The following FAAH2 variants were observed in gnomAD, a reference collection of about 807,000 sequenced individuals.
The protein encoded by FAAH2 is fatty acid amide hydrolase 2.
Under a neutral mutation model 36.9 loss-of-function variants are expected in FAAH2, and 60 were observed. The ratio of observed to expected loss-of-function variants is 1.63; its 90% CI spans 1.32 to 2.02. The LOEUF is 2.02. FAAH2 is among the 30% of genes most tolerant of loss of function. The pLI, the probability that FAAH2 is intolerant of heterozygous loss-of-function variation, is 0.00. For synonymous variants in FAAH2, 214 were observed against 143.8 expected, an observed-to-expected ratio of 1.49 and a Z score of -3.49; for missense variants, 689 against 397.5, an observed-to-expected ratio of 1.73 and a Z score of -6.23.
intron 8 of FAAH2, among the ~76,000 whole-genome samples, chrX:57,432,991 T>C (rs984903258): frequency 9.1e-6 from 1 of 109,467 alleles, no homozygotes; most frequent in Non-Finnish European, 1.9e-5. Context: ...AAGTCACTTT[T>C]AAAATTTTTT....
intron 2 of FAAH2, among the ~76,000 whole-genome samples, chrX:57,310,063 C>T (rs927597275): frequency 1.8e-5 from 2 of 112,211 alleles, no homozygotes; most frequent in African/African-American, 6.5e-5. Flanking sequence ...AAAAGCATTC[C>T]TTTACCTCTG....
At chrX:57,200,817 T>C in the FAAH2 span, among the ~76,000 whole-genome samples, 1 of 112,159 alleles carries the variant, frequency 8.9e-6, no homozygotes, top group Non-Finnish European at 1.9e-5. Flanking sequence ...TATTACTGTG[T>C]TATAATATTC....
At chrX:57,125,668 T>C in the FAAH2 span, among the ~76,000 whole-genome samples, 1 of 112,082 alleles carries the variant, frequency 8.9e-6, no homozygotes, top group South Asian at 3.7e-4. Flanking sequence ...TGAGAGTGGA[T>C]TTTCTTTTTT....
chrX:57,315,408 A>G (rs2052808758), intron 3 of FAAH2, among the ~76,000 whole-genome samples: 1 of 111,721 alleles, frequency 9.0e-6, no homozygotes, highest in Non-Finnish European at 1.9e-5. Context: ...CTCATTCTAT[A>G]TAAAGCTATC....
chrX:57,334,428 T>C (rs2053491845), intron 4 of FAAH2, among the ~76,000 whole-genome samples: 1 of 110,446 alleles, frequency 9.1e-6, no homozygotes, highest in South Asian at 3.9e-4. Context: ...CAGAATTTGT[T>C]ACCAGTAGAG....
At chrX:57,353,496 A>AAAG (rs1293971333) in intron 5 of FAAH2, among the ~76,000 whole-genome samples, 5 of 105,379 alleles carry the variant, frequency 4.7e-5, no homozygotes, top group Non-Finnish European at 7.8e-5. Flanking sequence ...TTAAAAAAAA[A>AAAG]AAAAGAAAAA....
the FAAH2 span, among the ~76,000 whole-genome samples, chrX:57,171,008 C>T: frequency 1.8e-5 from 2 of 111,441 alleles, no homozygotes; most frequent in Non-Finnish European, 3.8e-5. Flanking sequence ...CTGCAACCGG[C>T]CTGTATTTAT....
At chrX:57,304,089 C>A (rs1328021986) in intron 2 of FAAH2, among the ~76,000 whole-genome samples, 6 of 111,488 alleles carry the variant, frequency 5.4e-5, no homozygotes, top group Non-Finnish European at 7.5e-5. Context: ...TGCCTGTAAT[C>A]CCAGCTACTC....
intron 2 of FAAH2, among the ~76,000 whole-genome samples, chrX:57,301,149 A>C (rs1217784207): frequency 9.2e-6 from 1 of 109,211 alleles, no homozygotes; most frequent in Non-Finnish European, 1.9e-5. Flanking sequence ...GCTGCTATAA[A>C]GACACATGCA....
intron 4 of FAAH2, among the ~76,000 whole-genome samples, chrX:57,334,258 A>G (rs2053484441): frequency 1.1e-5 from 1 of 87,891 alleles, no homozygotes; most frequent in Non-Finnish European, 2.2e-5. Context: ...TGACAGAGGG[A>G]GATTCCGTCT....
At chrX:57,263,438 A>G in the FAAH2 span, among the ~76,000 whole-genome samples, 461 of 111,707 alleles carry the variant, frequency 4.1e-3, 3 homozygotes, top group African/African-American at 0.014. Context: ...GATGAAATAA[A>G]TCAAGCGTTA....
the FAAH2 span, among the ~76,000 whole-genome samples, chrX:57,226,626 C>T: frequency 9.0e-6 from 1 of 111,540 alleles, no homozygotes; most frequent in Non-Finnish European, 1.9e-5. Context: ...GACAATGTGC[C>T]TAGGTGAAGA....
At chrX:57,424,736 T>G (rs1040363409) in intron 7 of FAAH2, among the ~76,000 whole-genome samples, 16 of 112,112 alleles carry the variant, frequency 1.4e-4, no homozygotes, top group Middle Eastern at 4.6e-3. Flanking sequence ...AATATGGCCT[T>G]TATAAGCAAA....
intron 5 of FAAH2, among the ~76,000 whole-genome samples, chrX:57,354,555 C>T (rs2054114295): frequency 9.1e-6 from 1 of 110,261 alleles, no homozygotes; most frequent in Non-Finnish European, 1.9e-5. Flanking sequence ...ACCAAAACTG[C>T]ACATACATCT....
intron 10 of FAAH2, among the ~76,000 whole-genome samples, chrX:57,474,378 G>A (rs2057226970): frequency 9.1e-6 from 1 of 110,136 alleles, no homozygotes; most frequent in Non-Finnish European, 1.9e-5. Flanking sequence ...CCCCCAACAG[G>A]CCTCAGTGTG....
At chrX:57,280,675 C>T in the FAAH2 span, among the ~76,000 whole-genome samples, 1 of 109,902 alleles carries the variant, frequency 9.1e-6, no homozygotes, top group East Asian at 2.8e-4. Flanking sequence ...ACTAAAAATG[C>T]ATCTACCATA....
At chrX:57,256,241 A>T in the FAAH2 span, among the ~76,000 whole-genome samples, 1 of 111,753 alleles carries the variant, frequency 8.9e-6, no homozygotes, top group East Asian at 2.8e-4. Flanking sequence ...CTTCAAGGAG[A>T]ACTATAAACC....
At chrX:57,433,662 G>T (rs2056349990) in intron 8 of FAAH2, among the ~76,000 whole-genome samples, 2 of 111,936 alleles carry the variant, frequency 1.8e-5, no homozygotes, top group African/African-American at 6.5e-5. Context: ...ATACAACAAA[G>T]TACTTTAAAC....
At position 57,352,020 on chromosome X, in the gene FAAH2, G is replaced by GTA. The variant is rs1555979965; in HGVS notation, c.742+10645_742+10646dup. ...TAAGGAAGCAAATATATGTGTGTGT[G>GTA]TATATATATATATATACATATATAT... On this transcript the variant is annotated intron_variant, in intron 5 of 10. Coordinates refer to ENST00000374900, the MANE Select transcript of FAAH2 (RefSeq NM_174912.4). Among the ~76,000 whole-genome samples, 11 of 7,767 alleles carry GTA rather than the reference G, an allele frequency of 1.4e-3. 2 individuals carry two copies. The highest frequency in any genetic ancestry group is 1.9e-3 in the Non-Finnish European group (1 of 540). 6.7% of individuals were successfully genotyped at this position (7,767 alleles called of 115,157 possible).
Sources: allele counts gnomAD v4.1 joint callset (sites outside exome capture counted in the v4.1 genomes callset), GRCh38; gene constraint gnomAD v4.1.1; transcripts MANE v1.5; gene names NCBI Gene and HGNC (gene_info 2026-07-23, HGNC 2026-07-21).